MDGA2: variants seen among roughly 807,000 people sequenced by gnomAD.
MDGA2 encodes MAM domain-containing glycosylphosphatidylinositol anchor protein 2.
Under a neutral mutation model 117.8 loss-of-function variants are expected in MDGA2, and 40 were observed. The observed-to-expected ratio is 0.34, with a 90% CI of 0.26 to 0.44. The LOEUF (loss-of-function observed/expected upper bound fraction) is 0.44, where lower values mean the gene tolerates loss of function less well. Among genes scored for constraint, MDGA2 ranks in the 20% least tolerant of loss-of-function variants. The pLI, the probability that MDGA2 is intolerant of heterozygous loss-of-function variation, is 1.00. For missense variants in MDGA2, 1,123 were observed against 1,250.6 expected (o/e 0.90, Z 1.54); for synonymous variants, 452 against 439.0 (o/e 1.03, Z -0.37).
rs374984361 is a variant in MDGA2, at chr14:47,078,930, A to T, written c.1196-17352T>A. 7.7e-4 allele frequency among the ~76,000 whole-genome samples: 117 copies of T among 152,066 alleles called. 2 individuals are homozygous for T. The South Asian group carries it at 0.024, about 31-fold the overall frequency. On this transcript the variant is annotated intron_variant, in intron 6 of 16. Transcript: ENST00000399232. The stretch of plus-strand genomic sequence containing the variant: ...ACTGAAATTTTGTATCCTTTGACCA[A>T]CATCTCCCCAGTACTCCCCATGCCC...
chr14:47,304,915 T>G (rs549830815), intron 1 of MDGA2, among the ~76,000 whole-genome samples: 1 of 152,292 alleles, frequency 6.6e-6, no homozygotes, highest in Non-Finnish European at 1.5e-5. Context: ...CCTGATACCT[T>G]CTTGGATTAC....
intron 11 of MDGA2, among the ~76,000 whole-genome samples, chr14:46,880,858 T>G (rs1882425896): frequency 6.6e-6 from 1 of 151,338 alleles, no homozygotes; most frequent in Non-Finnish European, 1.5e-5. Flanking sequence ...TGCCATTGTT[T>G]CTCTTTGAGA....
At chr14:46,982,380 T>G (rs1420743328) in intron 8 of MDGA2, among the ~76,000 whole-genome samples, 1 of 152,068 alleles carries the variant, frequency 6.6e-6, no homozygotes, top group East Asian at 1.9e-4. Context: ...CAAATTAGTT[T>G]TAATATATTG....
chr14:47,249,614 C>A (rs1242087405), intron 2 of MDGA2, among the ~76,000 whole-genome samples: 1 of 152,212 alleles, frequency 6.6e-6, no homozygotes, highest in African/African-American at 2.4e-5. Context: ...GCATGAACCA[C>A]CATGCCCAGA....
intron 1 of MDGA2, among the ~76,000 whole-genome samples, chr14:47,365,904 T>G (rs1891221280): frequency 6.6e-6 from 1 of 152,252 alleles, no homozygotes. Flanking sequence ...TCCTCATACA[T>G]CAATACTTCT....
At chr14:47,604,083 C>T (rs1310521619) in intron 1 of MDGA2, among the ~76,000 whole-genome samples, 2 of 152,108 alleles carry the variant, frequency 1.3e-5, no homozygotes, top group African/African-American at 4.8e-5. Flanking sequence ...TTATAAATTA[C>T]CTGGTCACAG....
intron 8 of MDGA2, among the ~76,000 whole-genome samples, chr14:46,988,237 G>A (rs1886941346): frequency 6.6e-6 from 1 of 151,718 alleles, no homozygotes; most frequent in Non-Finnish European, 1.5e-5. Flanking sequence ...TATGAAGAAG[G>A]AAATAGAAAA....
intron 1 of MDGA2, among the ~76,000 whole-genome samples, chr14:47,456,901 CA>C (rs542310063): frequency 2.2e-4 from 31 of 141,170 alleles, no homozygotes; most frequent in East Asian, 4.1e-4. Flanking sequence ...GGAGTATACT[CA>C]AAAAAAAAAA....
intron 2 of MDGA2, among the ~76,000 whole-genome samples, chr14:47,255,757 C>T (rs1325217773): frequency 6.6e-6 from 1 of 151,982 alleles, no homozygotes; most frequent in Non-Finnish European, 1.5e-5. Context: ...TTCCTTGGTC[C>T]TACCCAATGC....
At chr14:46,881,986 A>G in intron 11 of MDGA2, 58 bp downstream of exon 11, 1 of 1,278,550 alleles carries the variant, frequency 7.8e-7, no homozygotes, top group Non-Finnish European at 1.0e-6. Flanking sequence ...AGCAGCAACC[A>G]AAATTTTCCA....
rs191182953 is a variant in MDGA2 at position 47,516,271 on chromosome 14, A to G, written c.280+158246T>C. On this transcript the variant is annotated intron_variant, in intron 1 of 16. Coordinates refer to ENST00000399232, the MANE Select transcript of MDGA2 (RefSeq NM_001113498.3). ...GGAAATTAAAAACAAACCAGTGATCATTTTTCATAAGGAGTGTTGTAAAAT... is the reference window on the plus strand; with the variant it reads ...GGAAATTAAAAACAAACCAGTGATCGTTTTTCATAAGGAGTGTTGTAAAAT... Among the ~76,000 whole-genome samples the G allele has an allele frequency of 1.2e-4, 18 of 152,242 alleles. No individual in the cohort carries two copies. The East Asian group carries it at 3.5e-3, about 29-fold the overall frequency.
chr14:47,517,667 A>G (rs1894782282), intron 1 of MDGA2, among the ~76,000 whole-genome samples: 1 of 152,160 alleles, frequency 6.6e-6, no homozygotes, highest in Non-Finnish European at 1.5e-5. Context: ...CAGCTCATAG[A>G]CACCTCTGTC....
chr14:47,300,860 T>G (rs1055490021), intron 2 of MDGA2, among the ~76,000 whole-genome samples: 12 of 152,140 alleles, frequency 7.9e-5, no homozygotes, highest in Non-Finnish European at 1.8e-4. Flanking sequence ...TTGCTTCTAT[T>G]AAATTAGTTT....
chr14:46,922,483 C>T (rs374260723), intron 9 of MDGA2, among the ~76,000 whole-genome samples: 85 of 152,160 alleles, frequency 5.6e-4, no homozygotes, highest in African/African-American at 1.8e-3. Flanking sequence ...GGTTTAAATA[C>T]GGAGGAACTG....
chr14:47,522,559 A>T (rs542031856), intron 1 of MDGA2, among the ~76,000 whole-genome samples: 15 of 152,060 alleles, frequency 9.9e-5, no homozygotes, highest in Non-Finnish European at 1.5e-4. Flanking sequence ...GAAGTGAATG[A>T]GGTAGATAAT....
intron 1 of MDGA2, among the ~76,000 whole-genome samples, chr14:47,451,993 T>C (rs901803544): frequency 3.3e-5 from 5 of 152,124 alleles, no homozygotes; most frequent in Non-Finnish European, 5.9e-5. Context: ...GATGCCATTA[T>C]GGAAAGGCAC....
chr14:47,520,629 C>G (rs1894850299), intron 1 of MDGA2, among the ~76,000 whole-genome samples: 1 of 152,120 alleles, frequency 6.6e-6, no homozygotes, highest in Non-Finnish European at 1.5e-5. Context: ...CAGGAGAAAG[C>G]TGACATTTTA....
chr14:47,631,298 C>G (rs2138223370), intron 1 of MDGA2, among the ~76,000 whole-genome samples: 2 of 152,280 alleles, frequency 1.3e-5, no homozygotes, highest in Middle Eastern at 6.8e-3. Flanking sequence ...GTAATGGACA[C>G]TTTCTATCCA....
intron 1 of MDGA2, among the ~76,000 whole-genome samples, chr14:47,345,037 A>T (rs1289433998): frequency 6.6e-6 from 1 of 152,152 alleles, no homozygotes; most frequent in Non-Finnish European, 1.5e-5. Flanking sequence ...TTGTGAATGA[A>T]AATGAAAAAT....
Sources: gnomAD v4.1 joint callset for allele counts (sites outside exome capture counted in the v4.1 genomes callset) on GRCh38, gnomAD v4.1.1 for gene constraint, MANE v1.5 for transcripts, NCBI Gene and HGNC (gene_info 2026-07-23, HGNC 2026-07-21) for gene names.